The following CTNNA3 variants were observed in gnomAD, a reference collection of about 807,000 sequenced individuals.
The protein encoded by CTNNA3 is catenin alpha-3.
A neutral mutation model predicts 95.7 loss-of-function variants in CTNNA3; 76 were observed. That is an observed-to-expected ratio of 0.79 (90% confidence interval 0.66 to 0.96). CTNNA3 has a LOEUF of 0.96. Ranked by LOEUF, CTNNA3 falls within the 40% of genes least tolerant of loss-of-function variation. The pLI, the probability that CTNNA3 is intolerant of heterozygous loss-of-function variation, is 0.00. For synonymous variants in CTNNA3, 431 were observed against 374.4 expected (o/e 1.15, Z -1.74); for missense variants, 1,191 against 1,089.8 (o/e 1.09, Z -1.31).
At chr10:67,157,233 A>T (rs1415632554) in intron 7 of CTNNA3, among the ~76,000 whole-genome samples, 4 of 152,090 alleles carry the variant, frequency 2.6e-5, no homozygotes, top group Non-Finnish European at 5.9e-5. Flanking sequence ...CACACACACA[A>T]ATACACCAAT....
intron 11 of CTNNA3, among the ~76,000 whole-genome samples, chr10:66,493,989 C>A (rs1172069242): frequency 7.4e-6 from 1 of 135,550 alleles, no homozygotes. Context: ...CTCACTGCAA[C>A]CTCCGCCTCC....
chr10:65,945,160 G>A (rs74573296), intron 17 of CTNNA3, among the ~76,000 whole-genome samples: 6,253 of 146,064 alleles, frequency 0.043, 438 homozygotes, highest in African/African-American at 0.16. Context: ...GTGTGTGTGT[G>A]TATATATATA....
chr10:66,178,895 T>C (rs2085882385), intron 13 of CTNNA3, among the ~76,000 whole-genome samples: 1 of 151,910 alleles, frequency 6.6e-6, no homozygotes, highest in Non-Finnish European at 1.5e-5. Flanking sequence ...TAAATAATAA[T>C]GACAACACCC....
chr10:67,620,631 T>A (rs954979649), intron 2 of CTNNA3, among the ~76,000 whole-genome samples: 2 of 152,094 alleles, frequency 1.3e-5, no homozygotes, highest in African/African-American at 4.8e-5. Flanking sequence ...AAACTTGTAA[T>A]CCCCTACAAG....
chr10:67,257,517 T>C (rs7350446), intron 5 of CTNNA3, among the ~76,000 whole-genome samples: 33,300 of 152,174 alleles, frequency 0.22, 6,556 homozygotes, highest in African/African-American at 0.53. Flanking sequence ...CTTGTGTTTC[T>C]TGGCTTGTGC....
intron 5 of CTNNA3, among the ~76,000 whole-genome samples, chr10:67,254,012 G>C (rs1866228243): frequency 6.6e-6 from 1 of 152,108 alleles, no homozygotes; most frequent in African/African-American, 2.4e-5. Flanking sequence ...TTCATGCATA[G>C]AGAGAGAGAT....
intron 13 of CTNNA3, among the ~76,000 whole-genome samples, chr10:66,144,437 C>T (rs185373492): frequency 1.3e-5 from 2 of 151,890 alleles, no homozygotes; most frequent in African/African-American, 2.4e-5. Flanking sequence ...TTTGTAGCCT[C>T]GACCATCTTA....
At chr10:66,923,684 A>T (rs1160735387) in intron 7 of CTNNA3, among the ~76,000 whole-genome samples, 2 of 152,202 alleles carry the variant, frequency 1.3e-5, no homozygotes, top group Admixed American at 1.3e-4. Flanking sequence ...TCACTTTCTG[A>T]TCAACTAAGT....
chr10:66,367,884 ATTATTATT>A (rs2092724346), intron 12 of CTNNA3, among the ~76,000 whole-genome samples: 73 of 20,632 alleles, frequency 3.5e-3, no homozygotes, highest in Non-Finnish European at 4.4e-3. Flanking sequence ...AATAATAATT[ATTATTATT>A]ATTATTATTA....
At chr10:66,015,021 T>C (rs1050199620) in intron 15 of CTNNA3, among the ~76,000 whole-genome samples, 8 of 152,004 alleles carry the variant, frequency 5.3e-5, no homozygotes, top group Non-Finnish European at 1.0e-4. Context: ...GAGAATTGCT[T>C]GAACCTGGGA....
At chr10:67,284,041 G>A (rs925014610) in intron 5 of CTNNA3, among the ~76,000 whole-genome samples, 6 of 152,156 alleles carry the variant, frequency 3.9e-5, no homozygotes, top group African/African-American at 1.4e-4. Flanking sequence ...AACCTTCAGA[G>A]GGCTGGGGTG....
At chr10:67,134,506 A>G (rs1379887168) in intron 7 of CTNNA3, among the ~76,000 whole-genome samples, 1 of 152,100 alleles carries the variant, frequency 6.6e-6, no homozygotes, top group Non-Finnish European at 1.5e-5. Flanking sequence ...AAACCCTCTC[A>G]TTAAAAGCCA....
At chr10:66,612,704 C>T (rs897240604) in intron 10 of CTNNA3, among the ~76,000 whole-genome samples, 1 of 152,112 alleles carries the variant, frequency 6.6e-6, no homozygotes, top group African/African-American at 2.4e-5. Context: ...TGTAAAGAAA[C>T]AACGTGGCTT....
At chr10:67,475,716 T>C (rs1175213628) in intron 5 of CTNNA3, among the ~76,000 whole-genome samples, 1 of 152,242 alleles carries the variant, frequency 6.6e-6, no homozygotes, top group Non-Finnish European at 1.5e-5. Flanking sequence ...TTTTGATTAT[T>C]CATTATCATG....
chr10:66,653,639 A>T (rs1273895454), intron 9 of CTNNA3, among the ~76,000 whole-genome samples: 1 of 152,164 alleles, frequency 6.6e-6, no homozygotes, highest in Non-Finnish European at 1.5e-5. Flanking sequence ...GATGCTGAAT[A>T]GCCAAAGCAA....
At chr10:67,223,401 G>A (rs570744169) in intron 5 of CTNNA3, among the ~76,000 whole-genome samples, 4 of 152,294 alleles carry the variant, frequency 2.6e-5, no homozygotes, top group Admixed American at 6.5e-5. Context: ...GCATTAAACA[G>A]TAAAGTTAAT....
chr10:66,270,229 G>GT (rs1395179385), intron 13 of CTNNA3, among the ~76,000 whole-genome samples: 3 of 151,324 alleles, frequency 2.0e-5, no homozygotes, highest in African/African-American at 4.9e-5. Flanking sequence ...TTTTTTGGGG[G>GT]GGGGGGCAGG....
At chr10:66,292,897 C>T (rs142804105) in intron 12 of CTNNA3, among the ~76,000 whole-genome samples, 110 of 152,200 alleles carry the variant, frequency 7.2e-4, no homozygotes, top group African/African-American at 2.6e-3. Context: ...CATTACCTTG[C>T]CTATTATCCT....
chr10:67,741,332 A>G (rs1841337110), intron 1 of CTNNA3, among the ~76,000 whole-genome samples: 1 of 148,076 alleles, frequency 6.8e-6, no homozygotes, highest in African/African-American at 2.5e-5. Flanking sequence ...AAAAAATAAA[A>G]AATAAAAAAA....
Sources: allele counts gnomAD v4.1 joint callset (sites outside exome capture counted in the v4.1 genomes callset), GRCh38; gene constraint gnomAD v4.1.1; transcripts MANE v1.5; gene names NCBI Gene and HGNC (gene_info 2026-07-23, HGNC 2026-07-21).